SCML4: variants seen among roughly 807,000 people sequenced by gnomAD.
SCML4 encodes the protein sex comb on midleg-like protein 4.
A neutral mutation model predicts 41.1 loss-of-function variants in SCML4; 34 were observed. The ratio of observed to expected loss-of-function variants is 0.83; its 90% CI spans 0.63 to 1.10. The LOEUF is 1.10. SCML4 is among the 50% of genes least tolerant of loss of function. The pLI is 0.00. For missense variants in SCML4, 522 were observed against 534.1 expected (o/e 0.98, Z 0.22); for synonymous variants, 214 against 220.9 (o/e 0.97, Z 0.28).
At chr6:107,783,796 G>C (rs1017255208) in intron 1 of SCML4, among the ~76,000 whole-genome samples, 10 of 152,258 alleles carry the variant, frequency 6.6e-5, no homozygotes, top group African/African-American at 2.4e-4. Context: ...GTTGGGATGG[G>C]TGAAGCCCAT....
intron 1 of SCML4, among the ~76,000 whole-genome samples, chr6:107,788,855 A>G (rs1782106502): frequency 6.6e-6 from 1 of 152,224 alleles, no homozygotes; most frequent in Admixed American, 6.5e-5. Flanking sequence ...AAATGTCACC[A>G]GGTCTGAGAA....
the SCML4 span, among the ~76,000 whole-genome samples, chr6:107,841,285 C>T: frequency 6.6e-6 from 1 of 152,150 alleles, no homozygotes; most frequent in Non-Finnish European, 1.5e-5. Context: ...CACTGGAAGA[C>T]CTCATTTCTA....
In SCML4 at chr6:107,786,293, G is replaced by A. The variant is rs142680097; in HGVS notation, c.-59-13907C>T. On this transcript the variant is annotated intron_variant, in intron 1 of 7. Transcript: ENST00000369020. ...CTTGTTCTTTGCTCAGCAAGAGGGA[G>A]CTTATCCTCTCTCCCACCAGTGTCA... is the stretch of plus-strand genomic sequence containing the variant. 9.2e-3 allele frequency among the ~76,000 whole-genome samples: 1,399 copies of A among 152,290 alleles called. 9 individuals carry two copies. Among genetic ancestry groups the A allele is most frequent in the Non-Finnish European group, 0.014 (951 of 68,016 alleles).
chr6:107,739,697 G>T (rs1011420281), intron 5 of SCML4, among the ~76,000 whole-genome samples: 7 of 152,128 alleles, frequency 4.6e-5, no homozygotes, highest in Admixed American at 1.3e-4. Context: ...TGCCTTTCTT[G>T]TCACAATGGT....
chr6:107,767,746 T>C (rs1780176991), intron 2 of SCML4, among the ~76,000 whole-genome samples: 2 of 152,212 alleles, frequency 1.3e-5, no homozygotes, highest in Non-Finnish European at 2.9e-5. Flanking sequence ...TAACCAGCAC[T>C]GCGTTTCCTA....
rs1410694145 is a variant in SCML4 at position 107,751,319 on chromosome 6, G to A, written c.157-1506C>T. Among the ~76,000 whole-genome samples, 6 of 152,302 alleles carry A rather than the reference G, an allele frequency of 3.9e-5. No homozygotes were observed. In the East Asian group the frequency reaches 1.2e-3, roughly 29 times the overall value. On this transcript the variant is annotated intron_variant, in intron 2 of 7. Coordinates refer to ENST00000369020, the MANE Select transcript of SCML4 (RefSeq NM_198081.5). ...TTGGGTGAAATTGTACCCAAGATTT[G>A]AAGGAGGTGAGGGAGCAAGTCATAC... is the stretch of plus-strand genomic sequence containing the variant.
chr6:107,777,473 C>T (rs1781051499), intron 1 of SCML4, among the ~76,000 whole-genome samples: 1 of 152,084 alleles, frequency 6.6e-6, no homozygotes, highest in Non-Finnish European at 1.5e-5. Context: ...GAAAAATAAG[C>T]AATGAATGGA....
chr6:107,787,251 T>C (rs1781967625), intron 1 of SCML4, among the ~76,000 whole-genome samples: 1 of 152,156 alleles, frequency 6.6e-6, no homozygotes, highest in African/African-American at 2.4e-5. Flanking sequence ...AATAACCGGG[T>C]GAATAGAACA....
chr6:107,720,086 G>A (rs1345300911), intron 6 of SCML4: 1 of 985,290 alleles, frequency 1.0e-6, no homozygotes, highest in Non-Finnish European at 1.2e-6. Flanking sequence ...TCATGTATTT[G>A]TATCCTGAAG....
At chr6:107,822,562 T>A (rs6568508) in intron 1 of SCML4, among the ~76,000 whole-genome samples, 7 of 148,820 alleles carry the variant, frequency 4.7e-5, no homozygotes, top group Admixed American at 1.3e-4. Flanking sequence ...AGGGAAGAAA[T>A]GTAAACATGT....
intron 5 of SCML4, among the ~76,000 whole-genome samples, chr6:107,728,439 G>T (rs191603036): frequency 6.6e-6 from 1 of 152,066 alleles, no homozygotes; most frequent in Non-Finnish European, 1.5e-5. Flanking sequence ...GGTGAAACCC[G>T]TCTCTACTAA....
intron 1 of SCML4, among the ~76,000 whole-genome samples, chr6:107,784,004 G>T (rs1781696072): frequency 6.6e-6 from 1 of 152,184 alleles, no homozygotes; most frequent in Admixed American, 6.5e-5. Context: ...GGTTGCAGCT[G>T]CAGGGACAGT....
the SCML4 span, among the ~76,000 whole-genome samples, chr6:107,830,934 A>G: frequency 6.6e-6 from 1 of 152,118 alleles, no homozygotes; most frequent in Non-Finnish European, 1.5e-5. Context: ...CCCAAGTTAG[A>G]TAGGAGAAAC....
chr6:107,735,734 G>A (rs1222405855), intron 5 of SCML4, among the ~76,000 whole-genome samples: 1 of 151,212 alleles, frequency 6.6e-6, no homozygotes, highest in Non-Finnish European at 1.5e-5. Flanking sequence ...TGGAGGTGGA[G>A]GTTGCTGTGA....
intron 2 of SCML4, among the ~76,000 whole-genome samples, chr6:107,753,768 T>C (rs966908436): frequency 1.3e-5 from 2 of 152,178 alleles, no homozygotes; most frequent in East Asian, 3.8e-4. Context: ...CAGAAGAGTG[T>C]GTGGAGAACT....
intron 5 of SCML4, among the ~76,000 whole-genome samples, chr6:107,738,304 G>C (rs1441312272): frequency 6.6e-6 from 1 of 152,152 alleles, no homozygotes; most frequent in African/African-American, 2.4e-5. Context: ...GCTGAATTCA[G>C]GCAGCAGGGA....
chr6:107,719,054 C>T (rs1775106866), intron 6 of SCML4: 1 of 152,224 alleles, frequency 6.6e-6, no homozygotes, highest in Non-Finnish European at 1.5e-5. Context: ...CCCTGGTTTA[C>T]TTTACAGTGT....
Position 107,745,146 on chromosome 6 carries a change from G to A in SCML4, c.488-3C>T. 1 of 1,560,570 alleles carries A rather than the reference G, an allele frequency of 6.4e-7. No homozygotes were observed. Among genetic ancestry groups the A allele is most frequent in the Non-Finnish European group, 8.7e-7 (1 of 1,151,008 alleles). The stretch of plus-strand genomic sequence containing the variant: ...TTTGCCATCAAAGGAAGCCGAGACT[G>A]GAAAACCAGAGAGATGTCAGCTTAG... On this transcript the variant is annotated splice_region_variant and splice_polypyrimidine_tract_variant and intron_variant, in intron 4 of 7. Coordinates refer to ENST00000369020, the MANE Select transcript of SCML4 (RefSeq NM_198081.5).
rs534358608 is a variant in SCML4 at position 107,710,582 on chromosome 6, C to T, written c.974-2571G>A. ...TCTGAGGTCAGGAGTTCAAGACCAG[C>T]CCAGTCAATATGGTGAAACCCCGTC... On this transcript the variant is annotated intron_variant, in intron 6 of 7. Coordinates refer to ENST00000369020, the MANE Select transcript of SCML4 (RefSeq NM_198081.5). Among the ~76,000 whole-genome samples, 944 of 101,076 alleles carry T rather than the reference C, an allele frequency of 9.3e-3. 25 individuals carry two copies. The highest frequency in any genetic ancestry group is 0.035 in the African/African-American group (902 of 26,002). The allele number at this position is 101,076 out of a possible 152,430, so 66.3% of individuals were successfully genotyped here. A position where few individuals can be genotyped will look rare whatever the true frequency, so the allele number is the denominator to read the frequency against.
Sources: allele counts gnomAD v4.1 joint callset (sites outside exome capture counted in the v4.1 genomes callset), GRCh38; gene constraint gnomAD v4.1.1; transcripts MANE v1.5; gene names NCBI Gene and HGNC (gene_info 2026-07-23, HGNC 2026-07-21).